The following TMEM165 variants were observed in gnomAD, a reference collection of about 807,000 sequenced individuals.
TMEM165 encodes the protein transmembrane protein 165.
TMEM165 carries 19 observed loss-of-function variants against 30.0 expected under a neutral mutation model. That is an observed-to-expected ratio of 0.63 (90% confidence interval 0.44 to 0.93). TMEM165 has a LOEUF of 0.93. Among genes scored for constraint, TMEM165 ranks in the 40% least tolerant of loss-of-function variants. TMEM165 has a pLI of 0.00. For missense variants in TMEM165, 340 were observed against 417.0 expected, an observed-to-expected ratio of 0.82 and a Z score of 1.61; for synonymous variants, 168 against 162.9, an observed-to-expected ratio of 1.03 and a Z score of -0.24.
intron 3 of TMEM165, chr4:55,450,320 C>A: frequency 6.6e-7 from 1 of 1,526,194 alleles, no homozygotes; most frequent in South Asian, 1.1e-5. Context: ...ACAAAAAAAT[C>A]AGTTTTTGTC....
chr4:55,435,496 T>C lies in TMEM165; in HGVS notation c.408+10853T>C, dbSNP rs192938463. On this transcript the variant is annotated intron_variant, in intron 3 of 3. Transcript: ENST00000608091. The stretch of plus-strand genomic sequence containing the variant: ...GTTGCTGCTGTTGCTGAGACTGATG[T>C]TGCTGGTGATGTGACTGAGGGAAGG... 6.4e-5 allele frequency: 103 copies of C among 1,613,950 alleles called. 1 individual carries two copies. In the East Asian group the frequency reaches 2.3e-3, roughly 36 times the overall value.
At chr4:55,401,307 T>C (rs1720986580) in intron 1 of TMEM165, among the ~76,000 whole-genome samples, 1 of 150,858 alleles carries the variant, frequency 6.6e-6, no homozygotes, top group Non-Finnish European at 1.5e-5. Flanking sequence ...ACTTGGATCC[T>C]ATCTTTTCTG....
intron 1 of TMEM165, among the ~76,000 whole-genome samples, chr4:55,407,937 G>A (rs1721336867): frequency 6.6e-6 from 1 of 152,050 alleles, no homozygotes; most frequent in South Asian, 2.1e-4. Flanking sequence ...GTCACAGGGG[G>A]GTGTACCTAT....
rs757597601 is a variant in TMEM165, at chr4:55,449,495, T to C, written c.409-2744T>C. 97 of 1,613,518 alleles carry C rather than the reference T, an allele frequency of 6.0e-5. 1 individual carries two copies. In the South Asian group the frequency reaches 1.0e-3, roughly 17 times the overall value. The stretch of plus-strand genomic sequence containing the variant: ...TATCCGTCGGGATCTTGGTTGGTGT[T>C]GCTGAAGTCAACAAAATCAGAAGAG... On this transcript the variant is annotated intron_variant, in intron 3 of 3. Coordinates refer to the TMEM165 transcript ENST00000608091.
At chr4:55,437,721 G>A (rs1722995868) in intron 3 of TMEM165, among the ~76,000 whole-genome samples, 1 of 152,162 alleles carries the variant, frequency 6.6e-6, no homozygotes, top group African/African-American at 2.4e-5. Flanking sequence ...CACGCAGTAC[G>A]TGGTGCAGCA....
At chr4:55,411,953 T>C in intron 2 of TMEM165, 114 bp downstream of exon 2, 1 of 974,604 alleles carries the variant, frequency 1.0e-6, no homozygotes, top group East Asian at 2.6e-5. Context: ...TTACACCTTA[T>C]TTGTGGTCTT....
intron 3 of TMEM165, chr4:55,432,283 A>C (rs1722564010): frequency 6.6e-6 from 1 of 152,094 alleles, no homozygotes; most frequent in South Asian, 2.1e-4. Flanking sequence ...GAGCAACTTT[A>C]TTAACCCTTC....
At chr4:55,438,728 T>C (rs1367361035) in intron 3 of TMEM165, among the ~76,000 whole-genome samples, 1 of 152,184 alleles carries the variant, frequency 6.6e-6, no homozygotes, top group Non-Finnish European at 1.5e-5. Context: ...AAAAAATTCA[T>C]ACAGCAAGAT....
At chr4:55,438,487 G>C in intron 3 of TMEM165, 1 of 1,613,798 alleles carries the variant, frequency 6.2e-7, no homozygotes, top group Non-Finnish European at 8.5e-7. Context: ...TGCCCCACAA[G>C]CTACAGGAGC....
downstream of TMEM165, chr4:55,428,185 G>T (rs971546844): frequency 2.6e-5 from 4 of 152,076 alleles, no homozygotes; most frequent in African/African-American, 9.7e-5. Flanking sequence ...AATAGTACAC[G>T]CAGTTTTAAA....
chr4:55,448,899 G>T (rs745961676), intron 3 of TMEM165: 2 of 1,497,370 alleles, frequency 1.3e-6, no homozygotes, highest in Non-Finnish European at 1.9e-6. Flanking sequence ...ACACTGAAGT[G>T]ATTCTCATTC....
At chr4:55,435,556 G>C (rs766496924) in intron 3 of TMEM165, 1 of 1,613,956 alleles carries the variant, frequency 6.2e-7, no homozygotes, top group East Asian at 2.2e-5. Context: ...CAGAGAGAAT[G>C]AGTTGAGTTG....
At chr4:55,402,403 G>GTGTGTATATATATATATA (rs1334888892) in intron 1 of TMEM165, among the ~76,000 whole-genome samples, 9 of 48,164 alleles carry the variant, frequency 1.9e-4, no homozygotes, top group Admixed American at 3.4e-4. Context: ...GTGTGTGTGT[G>GTGTGTATATATATATATA]TATATATATA....
chr4:55,451,730 G>A (rs1724472901), intron 3 of TMEM165, among the ~76,000 whole-genome samples: 1 of 152,148 alleles, frequency 6.6e-6, no homozygotes. Context: ...CCTAATCAAG[G>A]AACCCTAGAT....
At chr4:55,435,287 G>T in intron 3 of TMEM165, 2 of 1,103,520 alleles carry the variant, frequency 1.8e-6, no homozygotes, top group East Asian at 2.4e-5. Flanking sequence ...CTAATTCCAG[G>T]AACTAGAACA....
chr4:55,407,922 C>T (rs1721335304), intron 1 of TMEM165, among the ~76,000 whole-genome samples: 1 of 152,112 alleles, frequency 6.6e-6, no homozygotes, highest in Non-Finnish European at 1.5e-5. Flanking sequence ...TACAGATGAA[C>T]TTGAGTCACA....
chr4:55,435,504 G>T, intron 3 of TMEM165: 3 of 1,614,064 alleles, frequency 1.9e-6, no homozygotes, highest in Non-Finnish European at 2.5e-6. Flanking sequence ...TGTTGCTGGT[G>T]ATGTGACTGA....
intron 3 of TMEM165, among the ~76,000 whole-genome samples, chr4:55,437,817 T>C (rs553566083): frequency 1.3e-5 from 2 of 152,314 alleles, no homozygotes; most frequent in East Asian, 3.9e-4. Flanking sequence ...TACACCTCCA[T>C]GGTATTTCTC....
intron 3 of TMEM165, among the ~76,000 whole-genome samples, chr4:55,447,321 G>A (rs1560420020): frequency 6.6e-6 from 1 of 151,930 alleles, no homozygotes; most frequent in African/African-American, 2.4e-5. Context: ...CCGAGATTGC[G>A]CCACTGCACT....
Sources: gnomAD v4.1 joint callset for allele counts (sites outside exome capture counted in the v4.1 genomes callset) on GRCh38, gnomAD v4.1.1 for gene constraint, MANE v1.5 for transcripts, NCBI Gene and HGNC (gene_info 2026-07-23, HGNC 2026-07-21) for gene names.